Variants in MICOS10 observed in about 807,000 individuals in gnomAD.
The protein encoded by MICOS10 is mitochondrial contact site and cristae organizing system subunit 10.
A neutral mutation model predicts 13.4 loss-of-function variants in MICOS10; 5 were observed. That is an observed-to-expected ratio of 0.37 (90% confidence interval 0.20 to 0.78). The LOEUF (loss-of-function observed/expected upper bound fraction) is 0.78. Among genes scored for constraint, MICOS10 ranks in the 30% least tolerant of loss-of-function variants. The probability of loss-of-function intolerance (pLI) is 0.47; values close to 1 mark genes in which losing one functional copy is unlikely to be tolerated. For missense variants in MICOS10, 101 were observed against 94.6 expected (o/e 1.07, Z -0.28); for synonymous variants, 35 against 33.6 (o/e 1.04, Z -0.15).
At chr1:19,601,530 T>C (rs1206546311) in intron 1 of MICOS10, among the ~76,000 whole-genome samples, 2 of 147,474 alleles carry the variant, frequency 1.4e-5, no homozygotes, top group African/African-American at 5.1e-5. Flanking sequence ...TGTGCTGTGA[T>C]CGCACCACTG....
chr1:19,597,316 G>C (rs1233312829), intron 1 of MICOS10, among the ~76,000 whole-genome samples: 19 of 152,210 alleles, frequency 1.2e-4, no homozygotes, highest in African/African-American at 4.3e-4. Context: ...GCAGCAGCCC[G>C]GGTGCGGGGT....
At chr1:19,625,838 A>C (rs1044837657) in intron 3 of MICOS10, among the ~76,000 whole-genome samples, 1 of 152,112 alleles carries the variant, frequency 6.6e-6, no homozygotes, top group Admixed American at 6.5e-5. Context: ...GTCATCCTCC[A>C]TTCCCTGAAA....
At chr1:19,617,812 A>G (rs2094889650) in intron 1 of MICOS10, among the ~76,000 whole-genome samples, 1 of 152,184 alleles carries the variant, frequency 6.6e-6, no homozygotes, top group Non-Finnish European at 1.5e-5. Context: ...ATACAGCTTT[A>G]TTAGACACAA....
At chr1:19,603,051 C>T (rs988759727) in intron 1 of MICOS10, among the ~76,000 whole-genome samples, 11 of 152,076 alleles carry the variant, frequency 7.2e-5, no homozygotes, top group Admixed American at 3.3e-4. Context: ...AGCACTAGGC[C>T]GGGCTCGCTG....
chr1:19,616,437 A>G (rs12073300), intron 1 of MICOS10, among the ~76,000 whole-genome samples: 18,855 of 152,186 alleles, frequency 0.12, 1,272 homozygotes, highest in African/African-American at 0.17. Context: ...TATAGGCCTC[A>G]GCGCATTTGG....
At chr1:19,601,620 A>G (rs1251254524) in intron 1 of MICOS10, among the ~76,000 whole-genome samples, 1 of 151,850 alleles carries the variant, frequency 6.6e-6, no homozygotes, top group Non-Finnish European at 1.5e-5. Context: ...AAAGAAAAGC[A>G]GTTATATTTT....
intron 1 of MICOS10, among the ~76,000 whole-genome samples, chr1:19,603,527 C>G (rs2094823876): frequency 6.6e-6 from 1 of 152,182 alleles, no homozygotes; most frequent in Admixed American, 6.5e-5. Context: ...AAATCTGATT[C>G]TGGCACTTCC....
At chr1:19,626,292 C>T (rs2094921808) in intron 3 of MICOS10, 95 bp from the exon 4 acceptor site, 9 of 1,479,740 alleles carry the variant, frequency 6.1e-6, no homozygotes, top group Admixed American at 3.4e-5. Context: ...AAGGTTTTGG[C>T]TTCTGGCCCT....
chr1:19,617,736 G>A (rs977945527), intron 1 of MICOS10, among the ~76,000 whole-genome samples: 9 of 152,100 alleles, frequency 5.9e-5, no homozygotes, highest in Non-Finnish European at 1.0e-4. Context: ...ACAGAAACAC[G>A]ATTGAACAGG....
intron 1 of MICOS10, among the ~76,000 whole-genome samples, chr1:19,617,842 T>A (rs1328837687): frequency 1.3e-5 from 2 of 152,050 alleles, no homozygotes; most frequent in Non-Finnish European, 2.9e-5. Flanking sequence ...AGGAAAATAT[T>A]GATTACATTT....
chr1:19,622,157 A>T lies in MICOS10; in HGVS notation c.112+10A>T. 6.2e-7 allele frequency: 1 copy of T among 1,604,450 alleles called. No individual in the cohort carries two copies. Among genetic ancestry groups the T allele is most frequent in the Non-Finnish European group, 8.5e-7 (1 of 1,172,266 alleles). ...CTTACCTTCTTTAAAAGTAAGTGTCACTCTGTCTTTTCAACATAATGTCAT... is the reference window on the plus strand; with the variant it reads ...CTTACCTTCTTTAAAAGTAAGTGTCTCTCTGTCTTTTCAACATAATGTCAT... On this transcript the variant is annotated intron_variant, in intron 2 of 3. Transcript: ENST00000322753.
chr1:19,624,580 G>C (rs908028602), intron 3 of MICOS10, among the ~76,000 whole-genome samples: 2 of 152,222 alleles, frequency 1.3e-5, no homozygotes, highest in East Asian at 3.9e-4. Context: ...GAGCCACTGT[G>C]CCTGGCCTTC....
chr1:19,618,574 A>G (rs1212348920), intron 1 of MICOS10, among the ~76,000 whole-genome samples: 4 of 152,310 alleles, frequency 2.6e-5, no homozygotes, highest in South Asian at 2.1e-4. Context: ...TTTTCACTCT[A>G]CAGATGAGCA....
At chr1:19,619,960 T>C (rs1211779547) in intron 1 of MICOS10, among the ~76,000 whole-genome samples, 3 of 152,246 alleles carry the variant, frequency 2.0e-5, no homozygotes, top group Non-Finnish European at 4.4e-5. Flanking sequence ...ATTTCTTTAC[T>C]TTAGGGTTAT....
At chr1:19,600,368 C>T (rs1043945173) in intron 1 of MICOS10, among the ~76,000 whole-genome samples, 5 of 152,110 alleles carry the variant, frequency 3.3e-5, no homozygotes, top group Non-Finnish European at 7.4e-5. Context: ...TCTTTGAAAC[C>T]ATGAAGGTGT....
chr1:19,625,194 A>G (rs1444330600), intron 3 of MICOS10, among the ~76,000 whole-genome samples: 2 of 152,222 alleles, frequency 1.3e-5, no homozygotes, highest in Non-Finnish European at 2.9e-5. Context: ...AGTACGAAAT[A>G]TATAAAAACA....
chr1:19,625,534 C>T (rs2094918901), intron 3 of MICOS10: 1 of 1,289,340 alleles, frequency 7.8e-7, no homozygotes, highest in Non-Finnish European at 1.0e-6. Flanking sequence ...GGCACTGAAG[C>T]CGGCAGCCGG....
At position 19,627,001 on chromosome 1, in the gene MICOS10, T is replaced by C. The variant is rs1211400998; in HGVS notation, c.*600T>C. 1 of 154,678 alleles carries C rather than the reference T, an allele frequency of 6.5e-6. No homozygotes were observed. The highest frequency in any genetic ancestry group is 1.4e-5 in the Non-Finnish European group (1 of 69,650). The allele number at this position is 154,678 out of a possible 1,614,324, so 9.6% of individuals were successfully genotyped here. ...AGGGGAAGAATCCTGGCTGTGTGGA[T>C]GGCCCACTCCATTGAAGTCAAGTCC... is the stretch of plus-strand genomic sequence containing the variant. On this transcript the variant is annotated 3_prime_UTR_variant, in exon 4 of 4. Coordinates refer to ENST00000322753, the MANE Select transcript of MICOS10 (RefSeq NM_001032363.4).
chr1:19,626,334 G>C, intron 3 of MICOS10, 53 bp from the exon 4 acceptor site: 1 of 1,612,954 alleles, frequency 6.2e-7, no homozygotes, highest in Admixed American at 1.7e-5. Flanking sequence ...AATTAGAGAG[G>C]GTTGTCAGAA....
Sources: allele counts gnomAD v4.1 joint callset (sites outside exome capture counted in the v4.1 genomes callset), GRCh38; gene constraint gnomAD v4.1.1; transcripts MANE v1.5; gene names NCBI Gene and HGNC (gene_info 2026-07-23, HGNC 2026-07-21).